Variants in ARHGAP10 observed in about 807,000 individuals in gnomAD.
The protein encoded by ARHGAP10 is Rho GTPase activating protein 10.
A neutral mutation model predicts 108.6 loss-of-function variants in ARHGAP10; 87 were observed. The observed-to-expected ratio is 0.80, with a 90% CI of 0.67 to 0.96. ARHGAP10 has a LOEUF of 0.96. Among genes scored for constraint, ARHGAP10 ranks in the 40% least tolerant of loss-of-function variants. ARHGAP10 has a pLI of 0.00. For missense variants in ARHGAP10, 939 were observed against 954.5 expected (o/e 0.98, Z 0.21); for synonymous variants, 347 against 341.1 (o/e 1.02, Z -0.19).
chr4:148,066,704 C>A (rs1359380829), intron 22 of ARHGAP10, among the ~76,000 whole-genome samples: 2 of 152,234 alleles, frequency 1.3e-5, no homozygotes, highest in Non-Finnish European at 2.9e-5. Context: ...GGGCTCACAC[C>A]ATGGCTTTCT....
At chr4:147,805,666 T>A (rs1731753663) in intron 1 of ARHGAP10, among the ~76,000 whole-genome samples, 1 of 152,156 alleles carries the variant, frequency 6.6e-6, no homozygotes, top group Middle Eastern at 3.2e-3. Flanking sequence ...TAATTTAAAT[T>A]AGGCCAGGCA....
At chr4:148,010,281 A>G (rs979251660) in intron 18 of ARHGAP10, among the ~76,000 whole-genome samples, 3 of 152,200 alleles carry the variant, frequency 2.0e-5, no homozygotes, top group East Asian at 1.9e-4. Flanking sequence ...GCTATAGAGA[A>G]GTTAAGTTAC....
intron 18 of ARHGAP10, among the ~76,000 whole-genome samples, chr4:147,991,274 G>A (rs550412242): frequency 3.9e-5 from 6 of 152,190 alleles, no homozygotes; most frequent in Admixed American, 6.5e-5. Context: ...GGAAGGACCC[G>A]TGAGACTCTG....
intron 1 of ARHGAP10, 84 bp from the exon 2 acceptor site, chr4:147,822,643 T>C: frequency 7.2e-7 from 1 of 1,387,116 alleles, no homozygotes; most frequent in Non-Finnish European, 1.0e-6. Context: ...GCTCTACAGC[T>C]TTACCAATTT....
At chr4:147,904,295 A>C (rs1209839414) in intron 10 of ARHGAP10, among the ~76,000 whole-genome samples, 1 of 151,976 alleles carries the variant, frequency 6.6e-6, no homozygotes, top group African/African-American at 2.4e-5. Flanking sequence ...GGTTAGTTAC[A>C]TATGTATACA....
chr4:148,009,137 CT>C (rs918485475), intron 18 of ARHGAP10, among the ~76,000 whole-genome samples: 447 of 144,434 alleles, frequency 3.1e-3, no homozygotes, highest in Non-Finnish European at 4.6e-3. Context: ...TCTTTTTTCT[CT>C]TTTTTTTTTT....
chr4:148,025,539 G>T (rs10027347), intron 19 of ARHGAP10, among the ~76,000 whole-genome samples: 11,442 of 151,474 alleles, frequency 0.076, 517 homozygotes, highest in African/African-American at 0.11. Flanking sequence ...TTATTTCAGA[G>T]AGAACAGAGT....
intron 7 of ARHGAP10, among the ~76,000 whole-genome samples, chr4:147,872,948 G>T (rs1001298272): frequency 7.9e-5 from 12 of 152,028 alleles, no homozygotes; most frequent in African/African-American, 2.4e-4. Flanking sequence ...TTAGAAGTGA[G>T]CACACTGTGC....
In ARHGAP10 at chr4:147,751,365, G is replaced by A. The variant is rs114308662; in HGVS notation, c.154+18910G>A. On this transcript the variant is annotated intron_variant, in intron 1 of 22. Coordinates refer to ENST00000336498, the MANE Select transcript of ARHGAP10 (RefSeq NM_024605.4). ...TTTGTAGTAGGAGTAGATAATAGTT[G>A]TTGTTTTTTTTTTTTTGAGACAGAG... Among the ~76,000 whole-genome samples the A allele has an allele frequency of 9.1e-3, 1,368 of 150,428 alleles. 13 individuals are homozygous for A. Among genetic ancestry groups the A allele is most frequent in the Non-Finnish European group, 0.015 (998 of 67,590 alleles).
intron 1 of ARHGAP10, among the ~76,000 whole-genome samples, chr4:147,754,376 A>G (rs1729285563): frequency 6.6e-6 from 1 of 152,232 alleles, no homozygotes; most frequent in Admixed American, 6.5e-5. Context: ...GAAAGGGGCT[A>G]GAAAGCTGTT....
chr4:148,031,385 C>G (rs1728143331), intron 19 of ARHGAP10, among the ~76,000 whole-genome samples: 1 of 152,188 alleles, frequency 6.6e-6, no homozygotes, highest in Non-Finnish European at 1.5e-5. Context: ...ATATCCAGAA[C>G]AATCCTATAG....
rs1036581766 is a variant in ARHGAP10 at position 147,874,493 on chromosome 4, C to T, written c.703-528C>T. On this transcript the variant is annotated intron_variant, in intron 7 of 22. Transcript: ENST00000336498. ...CCTTCTGTCTTCAGGGAAGAAATGT[C>T]ATTTTCAAGTGCAATTGCCATGACC... is the stretch of plus-strand genomic sequence containing the variant. Among the ~76,000 whole-genome samples, 3 of 152,080 alleles carry T rather than the reference C, an allele frequency of 2.0e-5. No homozygotes were observed. The East Asian group carries it at 5.8e-4, about 29-fold the overall frequency.
At chr4:147,994,566 A>G (rs188847191) in intron 18 of ARHGAP10, among the ~76,000 whole-genome samples, 1 of 152,368 alleles carries the variant, frequency 6.6e-6, no homozygotes, top group East Asian at 1.9e-4. Context: ...ATATAAAGAA[A>G]CAGTTGACAT....
At chr4:147,915,155 G>A (rs1051521301) in intron 13 of ARHGAP10, among the ~76,000 whole-genome samples, 3 of 152,158 alleles carry the variant, frequency 2.0e-5, no homozygotes, top group African/African-American at 7.2e-5. Flanking sequence ...GGATATCGGC[G>A]GAGTAGGAGC....
chr4:147,869,996 G>GT lies in ARHGAP10; in HGVS notation c.702+3183dup, dbSNP rs10644018. ...CAACATATTGTTGAAAAAAGTCCCA[G>GT]TTTGTGTGTGTGTGTGTGTGTGTGT... On this transcript the variant is annotated intron_variant, in intron 7 of 22. Transcript: ENST00000336498. 1.4e-3 allele frequency among the ~76,000 whole-genome samples: 184 copies of GT among 131,486 alleles called. 2 individuals carry two copies. The highest frequency in any genetic ancestry group is 5.2e-3 in the African/African-American group (169 of 32,700). 86.3% of individuals were successfully genotyped at this position (131,486 alleles called of 152,430 possible).
chr4:147,866,983 C>T (rs377313661), intron 7 of ARHGAP10, among the ~76,000 whole-genome samples, 167 bp downstream of exon 7: 1 of 152,178 alleles, frequency 6.6e-6, no homozygotes, highest in African/African-American at 2.4e-5. Flanking sequence ...ACCAACTGCT[C>T]TACAGTTGGT....
At chr4:147,887,550 A>G (rs78190867) in intron 10 of ARHGAP10, among the ~76,000 whole-genome samples, 4,062 of 152,112 alleles carry the variant, frequency 0.027, 187 homozygotes, top group African/African-American at 0.093. Context: ...TCAAAAAGCT[A>G]TCATATTTAT....
intron 19 of ARHGAP10, among the ~76,000 whole-genome samples, chr4:148,039,595 C>T (rs772162975): frequency 1.2e-4 from 18 of 151,658 alleles, no homozygotes; most frequent in Non-Finnish European, 1.8e-4. Context: ...TCACCACACC[C>T]GGCCTAGGAT....
chr4:147,984,441 C>T (rs554821658), intron 18 of ARHGAP10, among the ~76,000 whole-genome samples: 2 of 152,332 alleles, frequency 1.3e-5, no homozygotes, highest in East Asian at 3.9e-4. Flanking sequence ...GTGGTGCCAC[C>T]TTTAGCGGCT....
Sources: gnomAD v4.1 joint callset for allele counts (sites outside exome capture counted in the v4.1 genomes callset) on GRCh38, gnomAD v4.1.1 for gene constraint, MANE v1.5 for transcripts, NCBI Gene and HGNC (gene_info 2026-07-23, HGNC 2026-07-21) for gene names.